The following TGM3 variants were observed in gnomAD, a reference collection of about 807,000 sequenced individuals.
TGM3 encodes protein-glutamine gamma-glutamyltransferase E.
A neutral mutation model predicts 73.8 loss-of-function variants in TGM3; 52 were observed. The observed-to-expected ratio is 0.70, with a 90% CI of 0.56 to 0.89. TGM3 has a LOEUF of 0.89. Among genes scored for constraint, TGM3 ranks in the 40% least tolerant of loss-of-function variants. TGM3 has a pLI of 0.00. For missense variants in TGM3, 928 were observed against 909.9 expected (o/e 1.02, Z -0.26); for synonymous variants, 372 against 354.9 (o/e 1.05, Z -0.54).
chr20:2,299,311 T>C (rs889247514), intron 1 of TGM3, among the ~76,000 whole-genome samples: 6 of 152,150 alleles, frequency 3.9e-5, no homozygotes, highest in Non-Finnish European at 8.8e-5. Context: ...TCAGGGGCGA[T>C]TCCCAGGGGA....
At position 2,307,394 on chromosome 20, in the gene TGM3, G is replaced by A. The variant is rs185256328; in HGVS notation, c.8-2263G>A. Among the ~76,000 whole-genome samples the A allele has an allele frequency of 1.5e-4, 23 of 151,992 alleles. No homozygotes were observed. The East Asian group carries it at 4.1e-3, about 27-fold the overall frequency. On this transcript the variant is annotated intron_variant, in intron 1 of 12. Transcript: ENST00000381458. The stretch of plus-strand genomic sequence containing the variant: ...CTCACCTTTCTCTCTTCTCCACGCA[G>A]CGCCCCTGCTCCAGACAAGTAACAT...
At chr20:2,339,793 C>T in intron 11 of TGM3, 61 bp from the exon 12 acceptor site, 2 of 1,608,120 alleles carry the variant, frequency 1.2e-6, no homozygotes, top group Non-Finnish European at 1.7e-6. Flanking sequence ...CAGCCCTCAC[C>T]AAGGTGCAGG....
At chr20:2,297,016 C>T (rs1412852090) in intron 1 of TGM3, among the ~76,000 whole-genome samples, 1 of 152,244 alleles carries the variant, frequency 6.6e-6, no homozygotes, top group Non-Finnish European at 1.5e-5. Flanking sequence ...GGTGATTGCA[C>T]ATTAGGCCCC....
At chr20:2,319,319 T>A (rs1406416251) in intron 7 of TGM3, among the ~76,000 whole-genome samples, 1 of 152,138 alleles carries the variant, frequency 6.6e-6, no homozygotes, top group Non-Finnish European at 1.5e-5. Flanking sequence ...TAAGTCTCAG[T>A]TCCTCCACTG....
chr20:2,313,888 AG>A (rs916840540), intron 5 of TGM3, among the ~76,000 whole-genome samples: 2 of 152,092 alleles, frequency 1.3e-5, no homozygotes, highest in Non-Finnish European at 2.9e-5. Flanking sequence ...AAAACTAGCC[AG>A]GCATAGGCAG....
At chr20:2,306,700 C>T (rs1399019266) in intron 1 of TGM3, among the ~76,000 whole-genome samples, 1 of 152,126 alleles carries the variant, frequency 6.6e-6, no homozygotes, top group Non-Finnish European at 1.5e-5. Context: ...TGGTCTCAAA[C>T]TCCTGACCTC....
At chr20:2,317,534 C>G in intron 7 of TGM3, 49 bp downstream of exon 7, 1 of 1,607,344 alleles carries the variant, frequency 6.2e-7, no homozygotes, top group Non-Finnish European at 8.5e-7. Context: ...ATTTGAGTGG[C>G]TTCTCGCTCT....
In TGM3 at chr20:2,340,761, GGTCCACCCT is replaced by G; in HGVS notation, c.*185_*193del. 1.2e-6 allele frequency: 1 copy of G among 806,638 alleles called. No individual in the cohort carries two copies. Among genetic ancestry groups the G allele is most frequent in the Non-Finnish European group, 2.1e-6 (1 of 483,192 alleles). The allele number at this position is 806,638 out of a possible 1,614,324, so 50.0% of individuals were successfully genotyped here. ...TCTCCTCTCCCCCAGGTTGGGGCTG[GGTCCACCCT>G]GTCCTATGACTTGATCACTTTTGCA... On this transcript the variant is annotated 3_prime_UTR_variant, in exon 13 of 13. Transcript: ENST00000381458.
Position 2,310,348 on chromosome 20 carries a change from T to G in TGM3, c.352T>G (p.Phe118Val). Reference sequence around the variant, plus strand: ...ACGGTACACAATGGCCCTCCAGATCTTCTCCCAGGGCGGCATCTCCTCTGT... The same window carrying G: ...ACGGTACACAATGGCCCTCCAGATCGTCTCCCAGGGCGGCATCTCCTCTGT... ...IGRYTMALQIFSQGGISSVKL... is the reference protein window; with the variant it reads ...IGRYTMALQIVSQGGISSVKL... Residue 118 changes from phenylalanine to valine, a missense_variant, in exon 3 of 13, where the codon TTC (phenylalanine) becomes GTC (valine). Phe to Val is a conservative substitution (Grantham distance 50). Transcript: ENST00000381458. 1 of 1,614,252 alleles carries G rather than the reference T, an allele frequency of 6.2e-7. No individual in the cohort carries two copies. Among genetic ancestry groups the G allele is most frequent in the Non-Finnish European group, 8.5e-7 (1 of 1,180,028 alleles).
intron 11 of TGM3, among the ~76,000 whole-genome samples, chr20:2,335,566 C>T (rs887692873): frequency 1.3e-5 from 2 of 152,192 alleles, no homozygotes; most frequent in African/African-American, 4.8e-5. Context: ...TGAGGAGGGG[C>T]CTGGGGGACT....
intron 9 of TGM3, among the ~76,000 whole-genome samples, chr20:2,330,090 C>T (rs1326138106): frequency 6.6e-6 from 1 of 152,112 alleles, no homozygotes; most frequent in Non-Finnish European, 1.5e-5. Context: ...AGCAATGCCC[C>T]AGCCCTTATG....
intron 9 of TGM3, among the ~76,000 whole-genome samples, chr20:2,331,423 A>G (rs866253894): frequency 2.6e-5 from 4 of 152,132 alleles, no homozygotes; most frequent in Non-Finnish European, 5.9e-5. Context: ...TCTCTGGACA[A>G]TTTCAACTAG....
chr20:2,303,315 G>GA (rs1385344854), intron 1 of TGM3, among the ~76,000 whole-genome samples: 1 of 151,134 alleles, frequency 6.6e-6, no homozygotes, highest in African/African-American at 2.4e-5. Context: ...AAAAAGAAAA[G>GA]AAAAAAAAGA....
intron 1 of TGM3, among the ~76,000 whole-genome samples, chr20:2,307,217 G>A (rs1168880589): frequency 6.6e-6 from 1 of 152,130 alleles, no homozygotes. Context: ...CTCACCTCTT[G>A]AGTCCCCTCT....
At chr20:2,314,904 T>C (rs528713466) in intron 5 of TGM3, among the ~76,000 whole-genome samples, 17 of 152,306 alleles carry the variant, frequency 1.1e-4, no homozygotes, top group Admixed American at 7.2e-4. Context: ...TGGTTAAAAA[T>C]GTGAACAACT....
At chr20:2,338,202 A>G (rs2084361996) in intron 11 of TGM3, among the ~76,000 whole-genome samples, 2 of 152,194 alleles carry the variant, frequency 1.3e-5, no homozygotes, top group African/African-American at 2.4e-5. Flanking sequence ...CAGGCCAAAA[A>G]CAATCTGAAC....
chr20:2,296,432 C>T (rs113365299), intron 1 of TGM3, among the ~76,000 whole-genome samples: 182 of 152,220 alleles, frequency 1.2e-3, no homozygotes, highest in African/African-American at 4.2e-3. Flanking sequence ...ACTCGGGTCT[C>T]GTGTTTCTCA....
In TGM3 at chr20:2,328,337, C is replaced by T. The variant is rs776078400; in HGVS notation, c.1305C>T (p.Asp435=). The change falls in exon 9 of 13, where the codon GAC becomes GAT. Residue 435 remains aspartate (D), a synonymous_variant. Coordinates refer to ENST00000381458, the MANE Select transcript of TGM3 (RefSeq NM_003245.4). This position sits in a 1 kb window ranked among gnomAD's most constrained non-coding sequence, Gnocchi z 5.2. ...TKAVGSNARM[D]VTDKYKYPEG... ...CGGTGGGCAGCAATGCTCGCATGGA[C>T]GTCACGGACAAGTACAAGTACCCAG... is the stretch of plus-strand genomic sequence containing the variant. 12 of 1,614,008 alleles carry T rather than the reference C, an allele frequency of 7.4e-6. No homozygotes were observed. The Middle Eastern group carries it at 8.2e-4, about 111-fold the overall frequency.
At chr20:2,333,526 A>C (rs45589835) in intron 10 of TGM3, among the ~76,000 whole-genome samples, 67 of 152,198 alleles carry the variant, frequency 4.4e-4, no homozygotes, top group African/African-American at 1.5e-3. Flanking sequence ...AGTCCCAAGT[A>C]ACTAGGACTA....
Sources: gnomAD v4.1 joint callset for allele counts (sites outside exome capture counted in the v4.1 genomes callset) on GRCh38, gnomAD v4.1.1 for gene constraint, Gnocchi (gnomAD v3.1) non-coding constraint, MANE v1.5 for transcripts, NCBI Gene and HGNC (gene_info 2026-07-23, HGNC 2026-07-21) for gene names.